HPF1: variants seen among roughly 807,000 people sequenced by gnomAD.
The protein encoded by HPF1 is UPF0609 protein C4orf27.
In HPF1, 35 loss-of-function variants were observed where a neutral mutation model predicts 38.8. The observed-to-expected ratio is 0.90, with a 90% CI of 0.69 to 1.19. The LOEUF is 1.19. HPF1 is among the 50% of genes most tolerant of loss of function. The pLI is 0.00. For missense variants in HPF1, 367 were observed against 405.8 expected (o/e 0.90, Z 0.82); for synonymous variants, 115 against 139.2 (o/e 0.83, Z 1.22).
chr4:169,729,776 T>C, intron 7 of HPF1, 67 bp from the exon 8 acceptor site: 1 of 1,169,524 alleles, frequency 8.6e-7, no homozygotes, highest in Non-Finnish European at 1.1e-6. Context: ...GCAGAAAATA[T>C]ATCAACAAAG....
intron 5 of HPF1, among the ~76,000 whole-genome samples, chr4:169,739,045 G>A (rs1377208000): frequency 1.3e-5 from 2 of 152,156 alleles, no homozygotes; most frequent in African/African-American, 2.4e-5. Flanking sequence ...TGTAAATGAC[G>A]AGTTAATGGA....
intron 7 of HPF1, among the ~76,000 whole-genome samples, chr4:169,731,477 A>G (rs1354841129): frequency 6.6e-6 from 1 of 152,190 alleles, no homozygotes; most frequent in Non-Finnish European, 1.5e-5. Flanking sequence ...AGTGAATGCA[A>G]ATATTCACCT....
intron 4 of HPF1, 41 bp from the exon 5 acceptor site, chr4:169,742,148 T>C (rs748111581): frequency 5.1e-6 from 8 of 1,581,602 alleles, no homozygotes; most frequent in Non-Finnish European, 6.9e-6. Context: ...GGCAGGCCAC[T>C]GTACTAAGTA....
intron 2 of HPF1, 42 bp downstream of exon 2, chr4:169,753,634 T>A (rs1347140029): frequency 4.5e-6 from 7 of 1,555,258 alleles, no homozygotes; most frequent in Non-Finnish European, 6.2e-6. Flanking sequence ...CCTATTACAT[T>A]ACTCTTTCCA....
intron 4 of HPF1, among the ~76,000 whole-genome samples, chr4:169,743,409 C>CTTTTTTTTTT (rs34941625): frequency 4.3e-5 from 3 of 69,714 alleles, no homozygotes; most frequent in African/African-American, 1.3e-4. Context: ...TGCCCCTGGC[C>CTTTTTTTTTT]TTTTTTTTTT....
chr4:169,754,223 C>G (rs920883381), intron 1 of HPF1, among the ~76,000 whole-genome samples: 7 of 152,146 alleles, frequency 4.6e-5, no homozygotes, highest in South Asian at 2.1e-4. Context: ...ATAGAAGTAA[C>G]TGGATATAAG....
At chr4:169,734,315 T>C (rs1305268770) in intron 6 of HPF1, among the ~76,000 whole-genome samples, 2 of 152,216 alleles carry the variant, frequency 1.3e-5, no homozygotes, top group Non-Finnish European at 1.5e-5. Context: ...ACTGATTGAC[T>C]GGGACCCTTA....
intron 4 of HPF1, among the ~76,000 whole-genome samples, chr4:169,742,705 C>T (rs563338645): frequency 5.5e-4 from 83 of 152,240 alleles, no homozygotes; most frequent in East Asian, 1.9e-3. Context: ...GGCAGGAGAA[C>T]GGCGTGAACC....
chr4:169,740,511 CACATAT>C (rs1735022887), intron 5 of HPF1, among the ~76,000 whole-genome samples: 1 of 152,120 alleles, frequency 6.6e-6, no homozygotes, highest in South Asian at 2.1e-4. Flanking sequence ...GCCACTAACT[CACATAT>C]ACTAGTGGAA....
intron 4 of HPF1, among the ~76,000 whole-genome samples, chr4:169,745,126 G>A (rs1394284625): frequency 1.3e-5 from 2 of 152,138 alleles, no homozygotes; most frequent in East Asian, 1.9e-4. Context: ...ATAGGTGCAC[G>A]GACAGACAGA....
In HPF1 at chr4:169,729,537, T is replaced by C. The variant is rs1268924054; in HGVS notation, c.*41A>G. 1 of 1,383,706 alleles carries C rather than the reference T, an allele frequency of 7.2e-7. No homozygotes were observed. Among genetic ancestry groups the C allele is most frequent in the South Asian group, 1.9e-5 (1 of 52,496 alleles). 85.7% of individuals were successfully genotyped at this position (1,383,706 alleles called of 1,614,324 possible). A position where few individuals can be genotyped will look rare whatever the true frequency, so the allele number is the denominator to read the frequency against. On this transcript the variant is annotated 3_prime_UTR_variant, in exon 8 of 8. Coordinates refer to ENST00000393381, the MANE Select transcript of HPF1 (RefSeq NM_017867.3). ...AAAACAAAAATCACAAGTTTAATAC[T>C]AGTCCTTTGAAATACTGTACACCAA...
intron 4 of HPF1, among the ~76,000 whole-genome samples, chr4:169,743,316 G>T (rs1324709599): frequency 6.6e-6 from 1 of 150,946 alleles, no homozygotes; most frequent in African/African-American, 2.4e-5. Flanking sequence ...CCTCATGTTG[G>T]TCAGGGTGGT....
Position 169,753,736 on chromosome 4 carries a change from G to A in HPF1, c.148C>T (p.Pro50Ser). 1.9e-6 allele frequency: 3 copies of A among 1,612,992 alleles called. No individual in the cohort carries two copies. Among genetic ancestry groups the A allele is most frequent in the South Asian group, 1.1e-5 (1 of 90,934 alleles). Residue 50 changes from proline to serine, a missense_variant, in exon 2 of 8, where the codon CCT becomes TCT. Coordinates refer to ENST00000393381, the MANE Select transcript of HPF1 (RefSeq NM_017867.3). ...TTCCAGAAGTGATAGAAATCTTCAG[G>A]TAAAGAAAGCTTATAATGATTTTCT... ...EVENHYKLSLPEDFYHFWKFC... is the reference protein window; with the variant it reads ...EVENHYKLSLSEDFYHFWKFC...
intron 5 of HPF1, among the ~76,000 whole-genome samples, chr4:169,739,712 GT>G (rs1733942416): frequency 1.3e-5 from 2 of 152,170 alleles, no homozygotes; most frequent in South Asian, 4.1e-4. Context: ...GCAGGATTGT[GT>G]TTGTGAAAAA....
In HPF1 at chr4:169,757,888, C is replaced by A; in HGVS notation, c.-11G>T. 1 of 1,550,762 alleles carries A rather than the reference C, an allele frequency of 6.4e-7. No individual in the cohort carries two copies. Among genetic ancestry groups the A allele is most frequent in the Non-Finnish European group, 8.7e-7 (1 of 1,154,394 alleles). ...GCCACCGCCGACCATTCTGCAGCTG[C>A]AGCGCCAGCAGAATTCCCCGATCCG... On this transcript the variant is annotated 5_prime_UTR_variant, in exon 1 of 8. Transcript: ENST00000393381.
intron 1 of HPF1, among the ~76,000 whole-genome samples, chr4:169,757,397 G>A (rs1734201877): frequency 1.3e-5 from 2 of 152,068 alleles, no homozygotes. Context: ...ACACACCAGC[G>A]TTATAATCCC....
intron 3 of HPF1, 141 bp from the exon 4 acceptor site, chr4:169,748,983 A>G: frequency 2.0e-6 from 1 of 494,512 alleles, no homozygotes. Flanking sequence ...ATCATACCAG[A>G]ATTTATCGAT....
intron 6 of HPF1, among the ~76,000 whole-genome samples, chr4:169,733,894 CAA>C (rs35974645): frequency 3.6e-3 from 435 of 122,276 alleles, no homozygotes; most frequent in Middle Eastern, 8.5e-3. Flanking sequence ...GACCCTGTCT[CAA>C]AAAAAAAAAA....
intron 2 of HPF1, among the ~76,000 whole-genome samples, 154 bp downstream of exon 2, chr4:169,753,522 G>T (rs1025399978): frequency 2.0e-5 from 3 of 151,962 alleles, no homozygotes; most frequent in African/African-American, 7.3e-5. Flanking sequence ...TTTTGTGGAG[G>T]TCTCACTATG....
Sources: allele counts gnomAD v4.1 joint callset (sites outside exome capture counted in the v4.1 genomes callset), GRCh38; gene constraint gnomAD v4.1.1; transcripts MANE v1.5; gene names NCBI Gene and HGNC (gene_info 2026-07-23, HGNC 2026-07-21).